OSGIN1: variants seen among roughly 807,000 people sequenced by gnomAD.
OSGIN1 encodes the protein oxidative stress induced growth inhibitor 1, also known as oxidative stress-induced growth inhibitor 1.
A neutral mutation model predicts 20.1 loss-of-function variants in OSGIN1; 19 were observed. The ratio of observed to expected loss-of-function variants is 0.95; its 90% CI spans 0.66 to 1.39. The LOEUF (loss-of-function observed/expected upper bound fraction) is 1.39, where lower values mean the gene tolerates loss of function less well. Ranked by LOEUF, OSGIN1 falls within the 40% of genes most tolerant of loss-of-function variation. The pLI, the probability that OSGIN1 is intolerant of heterozygous loss-of-function variation, is 0.00. For synonymous variants in OSGIN1, 368 were observed against 297.8 expected, an observed-to-expected ratio of 1.24 and a Z score of -2.43; for missense variants, 820 against 653.0, an observed-to-expected ratio of 1.26 and a Z score of -2.79.
At chr16:83,955,836 C>G (rs562423325) in intron 1 of OSGIN1, among the ~76,000 whole-genome samples, 4 of 152,304 alleles carry the variant, frequency 2.6e-5, no homozygotes, top group African/African-American at 7.2e-5. Context: ...CACCTTCCTT[C>G]TCTCTGGAAA....
chr16:83,955,852 G>A (rs2151074782), intron 1 of OSGIN1, among the ~76,000 whole-genome samples: 1 of 152,316 alleles, frequency 6.6e-6, no homozygotes, highest in Non-Finnish European at 1.5e-5. Flanking sequence ...GGAAAGGGAG[G>A]AGGAGGTCTT....
Position 83,960,653 on chromosome 16 carries a change from A to G in OSGIN1, c.289A>G (p.Thr97Ala), listed in dbSNP as rs1489600331. 2.5e-6 allele frequency: 4 copies of G among 1,613,558 alleles called. No individual in the cohort carries two copies. Among genetic ancestry groups the G allele is most frequent in the South Asian group, 1.1e-5 (1 of 91,082 alleles). ...LLFDALLRPD[T>A]DFGGNMKSVL... ...CTTTGATGCCCTTCTACGCCCAGAC[A>G]CAGACTTTGGGGGAAACATGAAGTC... Residue 97 changes from threonine (T) to alanine (A), a missense_variant, in exon 4 of 6, where the codon ACA (threonine) becomes GCA (alanine). Thr to Ala is a moderately conservative substitution (Grantham distance 58). Coordinates refer to ENST00000393306, the MANE Select transcript of OSGIN1 (RefSeq NM_182981.3).
Position 83,966,081 on chromosome 16 carries a change from C to T in OSGIN1, c.*74C>T, listed in dbSNP as rs112645585. ...CCACATCCCTGCTGGATGCAGGACC[C>T]GTCCAAAGATGCCCCGGGGAGGGGT... On this transcript the variant is annotated 3_prime_UTR_variant, in exon 6 of 6. Coordinates refer to ENST00000393306, the MANE Select transcript of OSGIN1 (RefSeq NM_182981.3). 6.9e-4 allele frequency: 856 copies of T among 1,236,648 alleles called. 5 individuals are homozygous for T. In the African/African-American group the frequency reaches 0.011, roughly 15 times the overall value. The allele number at this position is 1,236,648 out of a possible 1,614,324, so 76.6% of individuals were successfully genotyped here. A position where few individuals can be genotyped will look rare whatever the true frequency, so the allele number is the denominator to read the frequency against.
intron 5 of OSGIN1, chr16:83,961,346 G>T (rs2084209166): frequency 4.6e-6 from 2 of 430,898 alleles, no homozygotes; most frequent in Admixed American, 7.4e-5. Context: ...GCAAAGGCAG[G>T]AAGTGGGGAG....
rs541258721 is a variant in OSGIN1 at position 83,953,269 on chromosome 16, G to T, written c.-134G>T. ...CCTCTTGGATCCCCACAGGGTAATG[G>T]GTGTCCCGATCTCGCGGGGGACTCT... On this transcript the variant is annotated 5_prime_UTR_variant, in exon 1 of 6. Transcript: ENST00000393306. 1.6e-6 allele frequency: 2 copies of T among 1,288,452 alleles called. No individual in the cohort carries two copies. The highest frequency in any genetic ancestry group is 3.0e-5 in the African/African-American group (2 of 65,956). 79.8% of individuals were successfully genotyped at this position (1,288,452 alleles called of 1,614,324 possible).
rs1238463330 is a variant in OSGIN1, at chr16:83,965,903, G to A, written c.1330G>A (p.Ala444Thr). The change falls in exon 6 of 6, where the codon GCC becomes ACC. Residue 444 changes from alanine to threonine, a missense_variant. Physicochemically the swap from Ala to Thr is moderately conservative, Grantham distance 58. Transcript: ENST00000393306. ...GAGCACCCGCCAGGAGGGCCTGTAC[G>A]CCATGGGGCCGCTGGCCGGGGACAA... ...YQSTRQEGLY[A>T]MGPLAGDNFV... is the part of the protein sequence containing the mutation. The A allele has an allele frequency of 4.3e-6, 7 of 1,612,818 alleles. No homozygotes were observed. The highest frequency in any genetic ancestry group is 2.2e-5 in the East Asian group (1 of 44,866).
chr16:83,955,131 C>G (rs2255451), intron 1 of OSGIN1, among the ~76,000 whole-genome samples: 77,867 of 151,998 alleles, frequency 0.51, 20,940 homozygotes, highest in East Asian at 0.74. Context: ...ACCAGGAGGT[C>G]CCATGCTCCC....
chr16:83,963,147 A>G (rs1007271333), intron 5 of OSGIN1, among the ~76,000 whole-genome samples: 7 of 152,142 alleles, frequency 4.6e-5, no homozygotes, highest in Non-Finnish European at 1.0e-4. Flanking sequence ...AGGCCTCACT[A>G]TCTCTTTGAT....
chr16:83,954,756 G>A, intron 1 of OSGIN1: 4 of 984,922 alleles, frequency 4.1e-6, no homozygotes, highest in Non-Finnish European at 4.8e-6. Context: ...AAGCCCTGGT[G>A]GTAAACCAGT....
rs1291499767 is a variant in OSGIN1, at chr16:83,960,752, G to T, written c.388G>T (p.Ala130Ser). ...VVLGRNLPGG[A>S]WHSIEGSMVI... is the part of the protein sequence containing the mutation. ...TCTGGGCCGGAACCTCCCCGGGGGA[G>T]CCTGGCACGTGAGTGGGGCAGCGAG... is the stretch of plus-strand genomic sequence containing the variant. Residue 130 changes from alanine to serine, a missense_variant, in exon 4 of 6, where the codon GCC (alanine) becomes TCC (serine). Ala to Ser is a moderately conservative substitution (Grantham distance 99). Transcript: ENST00000393306. The T allele has an allele frequency of 1.2e-6, 2 of 1,613,104 alleles. No homozygotes were observed. Among genetic ancestry groups the T allele is most frequent in the South Asian group, 1.1e-5 (1 of 91,058 alleles).
rs1477499045 is a variant in OSGIN1, at chr16:83,961,037, C to T, written c.453C>T (p.Asp151=). 1.2e-6 allele frequency: 2 copies of T among 1,613,550 alleles called. No individual in the cohort carries two copies. Among genetic ancestry groups the T allele is most frequent in the South Asian group, 2.2e-5 (2 of 91,082 alleles). The change falls in exon 5 of 6, where the codon GAC becomes GAT. Residue 151 remains aspartate, a synonymous_variant. Coordinates refer to ENST00000393306, the MANE Select transcript of OSGIN1 (RefSeq NM_182981.3). ...AAGGCCAGTGGATGGGGCTCCCGGA[C>T]CTGGAGGTCAAGGACTGGATGCAGA... ...LSQGQWMGLP[D]LEVKDWMQKK...
intron 2 of OSGIN1, among the ~76,000 whole-genome samples, chr16:83,958,527 A>G (rs368209973): frequency 1.1e-4 from 17 of 152,210 alleles, no homozygotes; most frequent in African/African-American, 4.1e-4. Context: ...TCATTTCTGT[A>G]AGGCAAAAGC....
Position 83,965,087 on chromosome 16 carries a change from G to A in OSGIN1, c.514G>A (p.Ala172Thr). ...AGGTCTTCGCAACAGCCGGGCCACT[G>A]CCGGGGACATCGCCCACTACTACAG... is the stretch of plus-strand genomic sequence containing the variant. The part of the protein sequence containing the change: ...RRGLRNSRAT[A>T]GDIAHYYRDY... Residue 172 changes from alanine (A) to threonine (T), a missense_variant, in exon 6 of 6, where the codon GCC becomes ACC. Coordinates refer to ENST00000393306, the MANE Select transcript of OSGIN1 (RefSeq NM_182981.3). 6.2e-7 allele frequency: 1 copy of A among 1,605,370 alleles called. No individual in the cohort carries two copies. Among genetic ancestry groups the A allele is most frequent in the Non-Finnish European group, 8.5e-7 (1 of 1,174,176 alleles).
In OSGIN1 at chr16:83,965,647, C is replaced by T. The variant is rs766399713; in HGVS notation, c.1074C>T (p.Tyr358=). ...SILSPSPYEG[Y]RSLPRHQLLC... ...TGTCGCCCAGCCCCTATGAGGGTTA[C>T]CGCAGCCTCCCCAGGCACCAGCTGC... The change falls in exon 6 of 6, where the codon TAC becomes TAT. Residue 358 remains tyrosine, a synonymous_variant. Coordinates refer to ENST00000393306, the MANE Select transcript of OSGIN1 (RefSeq NM_182981.3). The T allele has an allele frequency of 3.7e-6, 6 of 1,613,278 alleles. No homozygotes were observed. The African/African-American group carries it at 5.3e-5, about 14-fold the overall frequency.
chr16:83,956,886 G>A (rs1264606238), intron 1 of OSGIN1: 1 of 152,222 alleles, frequency 6.6e-6, no homozygotes, highest in Non-Finnish European at 1.5e-5. Flanking sequence ...GCAGCTCTAG[G>A]ACCAGCACTT....
At chr16:83,961,578 C>T (rs535678550) in intron 5 of OSGIN1, among the ~76,000 whole-genome samples, 2 of 152,288 alleles carry the variant, frequency 1.3e-5, no homozygotes, top group Admixed American at 6.5e-5. Context: ...ACAGTGAGCC[C>T]GTGAGCCAGA....
At chr16:83,955,903 G>C (rs1037148171) in intron 1 of OSGIN1, among the ~76,000 whole-genome samples, 2 of 152,202 alleles carry the variant, frequency 1.3e-5, no homozygotes, top group Non-Finnish European at 2.9e-5. Context: ...GGACACGGAG[G>C]CTGTCCCTGG....
intron 1 of OSGIN1, chr16:83,953,986 C>G (rs1373676144): frequency 6.6e-6 from 1 of 152,554 alleles, no homozygotes; most frequent in Admixed American, 6.5e-5. Context: ...ACAGACCACC[C>G]CCTCACACTT....
Position 83,957,651 on chromosome 16 carries a change from G to A in OSGIN1, c.-21G>A. 1 of 1,587,138 alleles carries A rather than the reference G, an allele frequency of 6.3e-7. No individual in the cohort carries two copies. The highest frequency in any genetic ancestry group is 1.7e-4 in the Middle Eastern group (1 of 6,032). The stretch of plus-strand genomic sequence containing the variant: ...CTCCCCCACTCCAGGTCCGCTGCCA[G>A]CCCCAAGCCCCCCACCAGCCATGAG... On this transcript the variant is annotated 5_prime_UTR_variant, in exon 2 of 6. Coordinates refer to ENST00000393306, the MANE Select transcript of OSGIN1 (RefSeq NM_182981.3).
Sources: allele counts gnomAD v4.1 joint callset (sites outside exome capture counted in the v4.1 genomes callset), GRCh38; gene constraint gnomAD v4.1.1; transcripts MANE v1.5; gene names NCBI Gene and HGNC (gene_info 2026-07-23, HGNC 2026-07-21).